BRINP3: variants seen among roughly 807,000 people sequenced by gnomAD.
BRINP3 encodes the protein BMP/retinoic acid inducible neural specific 3, also known as BMP/retinoic acid-inducible neural-specific protein 3.
Under a neutral mutation model 71.0 loss-of-function variants are expected in BRINP3, and 19 were observed. That is an observed-to-expected ratio of 0.27 (90% CI 0.19 to 0.39). The LOEUF is 0.39. Among genes scored for constraint, BRINP3 ranks in the 10% least tolerant of loss-of-function variants. BRINP3 has a pLI of 1.00. For missense variants in BRINP3, 959 were observed against 940.8 expected (o/e 1.02, Z -0.25); for synonymous variants, 380 against 337.7 (o/e 1.13, Z -1.37).
intron 2 of BRINP3, among the ~76,000 whole-genome samples, chr1:190,413,481 G>A (rs1377716521): frequency 6.6e-6 from 1 of 152,118 alleles, no homozygotes; most frequent in Non-Finnish European, 1.5e-5. Context: ...GAATTATCAA[G>A]GTGGGCTATA....
chr1:190,292,904 T>TA, intron 2 of BRINP3, among the ~76,000 whole-genome samples: 1 of 152,244 alleles, frequency 6.6e-6, no homozygotes, highest in African/African-American at 2.4e-5. Context: ...GTCTTCTTTT[T>TA]ATCTGTGATT....
intron 6 of BRINP3, among the ~76,000 whole-genome samples, chr1:190,189,204 T>C (rs1197966024): frequency 6.6e-6 from 1 of 152,170 alleles, no homozygotes; most frequent in Non-Finnish European, 1.5e-5. Context: ...TTGGGACCTG[T>C]TTGAGAAGAA....
At chr1:190,107,222 C>G (rs1652250413) in intron 7 of BRINP3, among the ~76,000 whole-genome samples, 2 of 151,914 alleles carry the variant, frequency 1.3e-5, no homozygotes. Context: ...CCTTTACATT[C>G]TGACAACATC....
chr1:190,447,857 T>C (rs1244363854), intron 2 of BRINP3, among the ~76,000 whole-genome samples: 1 of 151,702 alleles, frequency 6.6e-6, no homozygotes, highest in Admixed American at 6.6e-5. Context: ...CTAATGTTTT[T>C]AATAACAGCT....
At chr1:190,298,133 A>G (rs965359758) in intron 2 of BRINP3, among the ~76,000 whole-genome samples, 1 of 152,172 alleles carries the variant, frequency 6.6e-6, no homozygotes, top group African/African-American at 2.4e-5. Context: ...TTTTCACGGT[A>G]TTCCTAAGTA....
intron 5 of BRINP3, among the ~76,000 whole-genome samples, chr1:190,227,170 T>C (rs2102705942): frequency 6.6e-6 from 1 of 152,000 alleles, no homozygotes; most frequent in South Asian, 2.1e-4. Flanking sequence ...AAAAATCTGG[T>C]AATAGCAAAG....
In BRINP3 at chr1:190,406,339, C is replaced by A. The variant is rs539742076; in HGVS notation, c.236+48316G>T. ...AGCTTCACAATAATCATTTATCTAC[C>A]ATCATATTTTAATATTCTATGGACC... On this transcript the variant is annotated intron_variant, in intron 2 of 7. Coordinates refer to ENST00000367462, the MANE Select transcript of BRINP3 (RefSeq NM_199051.3). Among the ~76,000 whole-genome samples the A allele has an allele frequency of 4.6e-5, 7 of 152,136 alleles. No homozygotes were observed. In the South Asian group the frequency reaches 1.5e-3, roughly 32 times the overall value.
At chr1:190,390,729 C>T (rs370911855) in intron 2 of BRINP3, among the ~76,000 whole-genome samples, 18 of 151,756 alleles carry the variant, frequency 1.2e-4, no homozygotes, top group East Asian at 3.9e-4. Flanking sequence ...CCACAGGAGA[C>T]GCAGTGTCAT....
At position 190,218,752 on chromosome 1, in the gene BRINP3, C is replaced by A. The variant is rs1656624685; in HGVS notation, c.961+7330G>T. Among the ~76,000 whole-genome samples, 4 of 152,012 alleles carry A rather than the reference C, an allele frequency of 2.6e-5. No homozygotes were observed. The South Asian group carries it at 8.3e-4, about 32-fold the overall frequency. On this transcript the variant is annotated intron_variant, in intron 6 of 7. Coordinates refer to ENST00000367462, the MANE Select transcript of BRINP3 (RefSeq NM_199051.3). ...TACCTCCCCCCACCCTCCTTGTCCC[C>A]TCTATTCACCAATGTCTGCTTCCAT...
intron 6 of BRINP3, among the ~76,000 whole-genome samples, chr1:190,206,769 G>T (rs911376898): frequency 1.3e-5 from 2 of 151,906 alleles, no homozygotes; most frequent in Non-Finnish European, 2.9e-5. Context: ...TAGAAATTTT[G>T]TGAAATAAAG....
intron 5 of BRINP3, among the ~76,000 whole-genome samples, chr1:190,232,091 C>T (rs1176840752): frequency 6.6e-6 from 1 of 151,936 alleles, no homozygotes; most frequent in Admixed American, 6.6e-5. Context: ...AGAAAGAAAA[C>T]ACAACACACA....
intron 6 of BRINP3, among the ~76,000 whole-genome samples, chr1:190,205,922 A>ATTT (rs143117227): frequency 2.6e-5 from 4 of 151,074 alleles, no homozygotes; most frequent in Non-Finnish European, 5.9e-5. Flanking sequence ...ATGAGAGTTT[A>ATTT]TTTTTTTTTC....
chr1:190,371,288 T>C lies in BRINP3; in HGVS notation c.236+83367A>G, dbSNP rs1353991644. 2.0e-5 allele frequency among the ~76,000 whole-genome samples: 3 copies of C among 152,346 alleles called. No homozygotes were observed. In the East Asian group the frequency reaches 5.8e-4, roughly 29 times the overall value. On this transcript the variant is annotated intron_variant, in intron 2 of 7. Transcript: ENST00000367462. Reference sequence around the variant, plus strand: ...GGAGGCTTTCCTCTAAGTTTTCTTCTAGTAGTTTTAAAATTTCAATTGTTA... The same window carrying C: ...GGAGGCTTTCCTCTAAGTTTTCTTCCAGTAGTTTTAAAATTTCAATTGTTA...
intron 5 of BRINP3, among the ~76,000 whole-genome samples, chr1:190,229,539 A>G (rs1326262245): frequency 1.3e-5 from 2 of 151,918 alleles, no homozygotes. Flanking sequence ...TCTGCCCAGA[A>G]CAAAGTACAA....
At chr1:190,267,039 A>G (rs1464485557) in intron 3 of BRINP3, among the ~76,000 whole-genome samples, 5 of 152,322 alleles carry the variant, frequency 3.3e-5, no homozygotes, top group Admixed American at 6.5e-5. Context: ...CACAAGATAC[A>G]GGAGCAATAG....
chr1:190,421,203 A>ATG (rs1488158794), intron 2 of BRINP3, among the ~76,000 whole-genome samples: 1 of 151,450 alleles, frequency 6.6e-6, no homozygotes, highest in Non-Finnish European at 1.5e-5. Flanking sequence ...CTTAAGACAA[A>ATG]TGTTTTGTGT....
intron 7 of BRINP3, among the ~76,000 whole-genome samples, chr1:190,139,714 G>C (rs1392718767): frequency 6.6e-6 from 1 of 152,108 alleles, no homozygotes; most frequent in Non-Finnish European, 1.5e-5. Flanking sequence ...ATGATATACA[G>C]AGTTCAGTCA....
chr1:190,164,616 G>A (rs942291099), intron 6 of BRINP3, among the ~76,000 whole-genome samples: 4 of 151,990 alleles, frequency 2.6e-5, no homozygotes, highest in African/African-American at 9.7e-5. Context: ...TTAGAGACAA[G>A]GTTTCACTCT....
chr1:190,199,772 A>G lies in BRINP3; in HGVS notation c.961+26310T>C, dbSNP rs577858295. ...TCTGCTATTCTTGTCAAGGCATAGG[A>G]AAAAAAAAAAAACAAAAACAAAAAC... On this transcript the variant is annotated intron_variant, in intron 6 of 7. Transcript: ENST00000367462. Among the ~76,000 whole-genome samples the G allele has an allele frequency of 1.3e-4, 6 of 46,202 alleles. No homozygotes were observed. In the East Asian group the frequency reaches 2.4e-3, roughly 19 times the overall value. The allele number at this position is 46,202 out of a possible 152,430, so 30.3% of individuals were successfully genotyped here. A position where few individuals can be genotyped will look rare whatever the true frequency, so the allele number is the denominator to read the frequency against.
Sources: allele counts gnomAD v4.1 joint callset (sites outside exome capture counted in the v4.1 genomes callset), GRCh38; gene constraint gnomAD v4.1.1; transcripts MANE v1.5; gene names NCBI Gene and HGNC (gene_info 2026-07-23, HGNC 2026-07-21).